The following PIP5K1C variants were observed in gnomAD, a reference collection of about 807,000 sequenced individuals.
PIP5K1C encodes phosphatidylinositol-4-phosphate 5-kinase type 1 gamma.
Under a neutral mutation model 80.1 loss-of-function variants are expected in PIP5K1C, and 45 were observed. The ratio of observed to expected loss-of-function variants is 0.56; its 90% confidence interval spans 0.44 to 0.72. The LOEUF (loss-of-function observed/expected upper bound fraction) is 0.72. Ranked by LOEUF, PIP5K1C falls within the 30% of genes least tolerant of loss-of-function variation. PIP5K1C has a pLI of 0.00. For missense variants in PIP5K1C, 753 were observed against 954.6 expected, an observed-to-expected ratio of 0.79 and a Z score of 2.78; for synonymous variants, 498 against 420.1, an observed-to-expected ratio of 1.19 and a Z score of -2.27.
At chr19:3,669,497 G>A (rs758923634) in intron 1 of PIP5K1C, among the ~76,000 whole-genome samples, 10 of 152,210 alleles carry the variant, frequency 6.6e-5, no homozygotes, top group Non-Finnish European at 1.3e-4. Context: ...ACTCGGGAGA[G>A]GGGACAGAGG....
rs374328831 is a variant in PIP5K1C, at chr19:3,699,875, G to A, written c.94+422C>T. Among the ~76,000 whole-genome samples, 32 of 152,336 alleles carry A rather than the reference G, an allele frequency of 2.1e-4. 1 individual carries two copies. In the East Asian group the frequency reaches 4.6e-3, roughly 22 times the overall value. On this transcript the variant is annotated intron_variant, in intron 1 of 17. Transcript: ENST00000335312. The stretch of plus-strand genomic sequence containing the variant: ...TAGCAGGGAGGTAAACTGAGGCCCA[G>A]GAAGGTGAGGAAAGGTCGCGCACCC...
intron 1 of PIP5K1C, among the ~76,000 whole-genome samples, chr19:3,676,860 G>A (rs2035375640): frequency 6.6e-6 from 1 of 152,228 alleles, no homozygotes; most frequent in African/African-American, 2.4e-5. Context: ...AGCACTTTGG[G>A]AGGCTGAGGC....
At chr19:3,685,830 C>T (rs2035743844) in intron 1 of PIP5K1C, among the ~76,000 whole-genome samples, 1 of 152,108 alleles carries the variant, frequency 6.6e-6, no homozygotes. Flanking sequence ...GGAGTTGTGA[C>T]AGAGACCATC....
At chr19:3,663,539 A>AG (rs1404350274) in intron 3 of PIP5K1C, among the ~76,000 whole-genome samples, 2 of 152,290 alleles carry the variant, frequency 1.3e-5, no homozygotes, top group East Asian at 3.9e-4. Flanking sequence ...ATCAAACCAC[A>AG]GGGGGGCCAC....
chr19:3,651,245 G>A (rs964423369), intron 8 of PIP5K1C, among the ~76,000 whole-genome samples: 2 of 152,082 alleles, frequency 1.3e-5, no homozygotes, highest in African/African-American at 4.8e-5. Context: ...TTGTAGAGAT[G>A]GGGTCTTGCC....
At chr19:3,662,458 G>A (rs1170957082) in intron 3 of PIP5K1C, among the ~76,000 whole-genome samples, 3 of 152,252 alleles carry the variant, frequency 2.0e-5, no homozygotes, top group Non-Finnish European at 4.4e-5. Context: ...TGGTCACACT[G>A]GGCAACCCAC....
At chr19:3,639,974 T>TC (rs1432229801) in intron 15 of PIP5K1C, among the ~76,000 whole-genome samples, 9 of 152,198 alleles carry the variant, frequency 5.9e-5, no homozygotes, top group African/African-American at 2.2e-4. Context: ...ACAGTTCCTT[T>TC]CAGCAAAACC....
chr19:3,639,168 C>G, intron 15 of PIP5K1C, 152 bp from the exon 16 acceptor site: 2 of 896,132 alleles, frequency 2.2e-6, no homozygotes, highest in South Asian at 1.4e-5. Flanking sequence ...TCCTGCGCTG[C>G]CATTTATCGC....
chr19:3,651,870 G>A lies in PIP5K1C; in HGVS notation c.1083C>T (p.Ile361=), dbSNP rs770473631. 1 of 1,612,700 alleles carries A rather than the reference G, an allele frequency of 6.2e-7. No individual in the cohort carries two copies. Among genetic ancestry groups the A allele is most frequent in the Non-Finnish European group, 8.5e-7 (1 of 1,179,910 alleles). ...KALYSTAMES[I]QGGAARGEAI... Reference sequence around the variant, plus strand: ...CCTCCCCGCGCGCGGCGCCACCCTGGATGGACTCCATGGCCGTGGAGTAGA... The same window carrying A: ...CCTCCCCGCGCGCGGCGCCACCCTGAATGGACTCCATGGCCGTGGAGTAGA... Residue 361 remains isoleucine, a synonymous_variant, in exon 8 of 18, where the codon ATC becomes ATT. Transcript: ENST00000335312.
chr19:3,642,674 T>C (rs1300218157), intron 14 of PIP5K1C, among the ~76,000 whole-genome samples: 2 of 151,910 alleles, frequency 1.3e-5, no homozygotes, highest in Non-Finnish European at 1.5e-5. Flanking sequence ...AAAAACTTAA[T>C]AGAAGAAGAA....
chr19:3,699,823 G>A (rs1350009358), intron 1 of PIP5K1C, among the ~76,000 whole-genome samples: 4 of 152,222 alleles, frequency 2.6e-5, no homozygotes, highest in African/African-American at 9.6e-5. Flanking sequence ...GGCATCTTGA[G>A]ATGTAACCCT....
chr19:3,666,259 A>G (rs1177450297), intron 2 of PIP5K1C, among the ~76,000 whole-genome samples: 1 of 152,210 alleles, frequency 6.6e-6, no homozygotes, highest in Non-Finnish European at 1.5e-5. Context: ...AGGTGCCCTG[A>G]GGACTGCATG....
At position 3,692,933 on chromosome 19, in the gene PIP5K1C, C is replaced by A. The variant is rs1393554123; in HGVS notation, c.94+7364G>T. On this transcript the variant is annotated intron_variant, in intron 1 of 17. Coordinates refer to ENST00000335312, the MANE Select transcript of PIP5K1C (RefSeq NM_012398.3). This position sits in a 1 kb window ranked among gnomAD's most constrained non-coding sequence, Gnocchi z 5.2. ...AGCTCCCTCCACACTTCCACAACCC[C>A]CTCACTTCCCCTGGATCTCTGTTCA... Among the ~76,000 whole-genome samples the A allele has an allele frequency of 6.6e-6, 1 of 152,074 alleles. No homozygotes were observed.
In PIP5K1C at chr19:3,630,887, G is replaced by A. The variant is rs2033450053; in HGVS notation, c.*2280C>T. ...CAGCAGCCTCCCTCGCGGGGGATCT[G>A]AGGGAGACCGAGTTCGCTAAATATT... On this transcript the variant is annotated 3_prime_UTR_variant, in exon 18 of 18. Coordinates refer to ENST00000335312, the MANE Select transcript of PIP5K1C (RefSeq NM_012398.3). 1 of 152,182 alleles carries A rather than the reference G, an allele frequency of 6.6e-6. No individual in the cohort carries two copies. Among genetic ancestry groups the A allele is most frequent in the South Asian group, 2.1e-4 (1 of 4,832 alleles). 9.4% of individuals were successfully genotyped at this position (152,182 alleles called of 1,614,324 possible).
rs2033503516 is a variant in PIP5K1C, at chr19:3,632,694, A to AT, written c.*472_*473insA. On this transcript the variant is annotated 3_prime_UTR_variant, in exon 18 of 18. Coordinates refer to ENST00000335312, the MANE Select transcript of PIP5K1C (RefSeq NM_012398.3). ...GTGGATGGAGGCAGAGTTGCTCGGG[A>AT]CCCCAGCCGTCCCCTCTGCAGGCCG... The AT allele has an allele frequency of 6.1e-6, 1 of 162,922 alleles. No homozygotes were observed. The highest frequency in any genetic ancestry group is 1.3e-5 in the Non-Finnish European group (1 of 75,372). The allele number at this position is 162,922 out of a possible 1,614,324, so 10.1% of individuals were successfully genotyped here. A position where few individuals can be genotyped will look rare whatever the true frequency, so the allele number is the denominator to read the frequency against.
At chr19:3,635,406 G>A (rs35307472) in intron 16 of PIP5K1C, among the ~76,000 whole-genome samples, 53,714 of 152,124 alleles carry the variant, frequency 0.35, 11,261 homozygotes, top group Non-Finnish European at 0.48. Context: ...GATTAAGGCC[G>A]GGCGTGGTGG....
intron 1 of PIP5K1C, among the ~76,000 whole-genome samples, chr19:3,686,513 G>GT (rs1157638590): frequency 2.0e-5 from 3 of 151,196 alleles, no homozygotes; most frequent in African/African-American, 7.3e-5. Context: ...GAGGTCGGGA[G>GT]TTTGAGACCA....
At chr19:3,665,941 G>A (rs1434115284) in intron 2 of PIP5K1C, among the ~76,000 whole-genome samples, 2 of 152,072 alleles carry the variant, frequency 1.3e-5, no homozygotes, top group African/African-American at 2.4e-5. Flanking sequence ...CCAGGGACAC[G>A]CCTGCAGCCC....
intron 16 of PIP5K1C, among the ~76,000 whole-genome samples, chr19:3,634,523 G>T (rs2033593879): frequency 6.6e-6 from 1 of 152,186 alleles, no homozygotes; most frequent in Non-Finnish European, 1.5e-5. Flanking sequence ...ACGTCCACCT[G>T]GCGGCCCTCG....
Sources: allele counts gnomAD v4.1 joint callset (sites outside exome capture counted in the v4.1 genomes callset), GRCh38; gene constraint gnomAD v4.1.1; non-coding constraint Gnocchi (gnomAD v3.1); transcripts MANE v1.5; gene names NCBI Gene and HGNC (gene_info 2026-07-23, HGNC 2026-07-21).